SMC6: variants seen among roughly 807,000 people sequenced by gnomAD.
The protein encoded by SMC6 is structural maintenance of chromosomes protein 6.
Under a neutral mutation model 142.2 loss-of-function variants are expected in SMC6, and 79 were observed. The ratio of observed to expected loss-of-function variants is 0.56; its 90% CI spans 0.46 to 0.67. The LOEUF (loss-of-function observed/expected upper bound fraction) is 0.67. Ranked by LOEUF, SMC6 falls within the 30% of genes least tolerant of loss-of-function variation. SMC6 has a pLI of 0.00. For synonymous variants in SMC6, 411 were observed against 412.4 expected (o/e 1.00, Z 0.04); for missense variants, 1,072 against 1,284.0 (o/e 0.83, Z 2.52).
At chr2:17,740,630 G>A (rs904566731) in intron 4 of SMC6, 15 of 358,576 alleles carry the variant, frequency 4.2e-5, no homozygotes, top group Non-Finnish European at 6.5e-5. Context: ...CGAGGTGGGC[G>A]GATCACTTGA....
At chr2:17,674,301 C>G in intron 25 of SMC6, among the ~76,000 whole-genome samples, 1 of 151,720 alleles carries the variant, frequency 6.6e-6, no homozygotes, top group Non-Finnish European at 1.5e-5. Flanking sequence ...TATTTGATTT[C>G]TTTTTTGACC....
chr2:17,743,761 A>T lies in SMC6; in HGVS notation c.121-2032T>A, dbSNP rs1332142639. 3.9e-5 allele frequency among the ~76,000 whole-genome samples: 6 copies of T among 152,234 alleles called. No individual in the cohort carries two copies. The East Asian group carries it at 1.2e-3, about 29-fold the overall frequency. On this transcript the variant is annotated intron_variant, in intron 3 of 27. Transcript: ENST00000448223. Reference sequence around the variant, plus strand: ...AACCTATTCATCCCTCCCTTTCCTCAACCCCTAGCAACCAACCACTGATTT... The same window carrying T: ...AACCTATTCATCCCTCCCTTTCCTCTACCCCTAGCAACCAACCACTGATTT...
At chr2:17,737,874 A>G (rs1670232063) in intron 5 of SMC6, among the ~76,000 whole-genome samples, 1 of 152,180 alleles carries the variant, frequency 6.6e-6, no homozygotes, top group Non-Finnish European at 1.5e-5. Flanking sequence ...ATGTGGACTC[A>G]CTGATGCTGG....
intron 25 of SMC6, among the ~76,000 whole-genome samples, chr2:17,678,604 CG>C (rs1251292390): frequency 9.0e-6 from 1 of 110,634 alleles, no homozygotes; most frequent in East Asian, 2.3e-4. Context: ...CTTGTCTATA[CG>C]GAAAAAAAAA....
Position 17,717,182 on chromosome 2 carries a change from CA to C in SMC6, c.1093-7del. The stretch of plus-strand genomic sequence containing the variant: ...AAGGATCGGTTATATAAAACCTAAC[CA>C]AAAAAATTAGACACACTTTACAAAA... On this transcript the variant is annotated splice_region_variant and splice_polypyrimidine_tract_variant and intron_variant, in intron 12 of 27. Coordinates refer to ENST00000448223, the MANE Select transcript of SMC6 (RefSeq NM_001142286.2). 1.9e-6 allele frequency: 3 copies of C among 1,583,838 alleles called. No individual in the cohort carries two copies. The highest frequency in any genetic ancestry group is 1.9e-5 in the Admixed American group (1 of 54,050).
At position 17,701,860 on chromosome 2, in the gene SMC6, T is replaced by C; in HGVS notation, c.2192A>G (p.Glu731Gly). ...ISEIRELENI[E>G]EHQSVDIATL... is the part of the protein sequence containing the mutation. Reference sequence around the variant, plus strand: ...TGCAATATCTACAGACTGGTGTTCTTCTATGTTCTCAAGTTCCCGAATTTC... The same window carrying C: ...TGCAATATCTACAGACTGGTGTTCTCCTATGTTCTCAAGTTCCCGAATTTC... The change falls in exon 20 of 28, where the codon GAA (glutamate) becomes GGA (glycine). Residue 731 changes from glutamate to glycine, a missense_variant. Glu to Gly is a moderately conservative substitution (Grantham distance 98). Coordinates refer to ENST00000448223, the MANE Select transcript of SMC6 (RefSeq NM_001142286.2). The C allele has an allele frequency of 6.3e-7, 1 of 1,583,668 alleles. No homozygotes were observed. Among genetic ancestry groups the C allele is most frequent in the Non-Finnish European group, 8.6e-7 (1 of 1,163,008 alleles).
chr2:17,708,701 T>G lies in SMC6; in HGVS notation c.1783A>C (p.Asn595His). Residue 595 changes from asparagine to histidine, a missense_variant, in exon 17 of 28, where the codon AAT becomes CAT. Around this residue, in one of 3 missense-constraint regions of SMC6, gnomAD observed 994 missense variants for 1,153.2 expected, o/e 0.86. Coordinates refer to ENST00000448223, the MANE Select transcript of SMC6 (RefSeq NM_001142286.2). ...PTVLTALEID[N>H]AVVANSLIDM... ...ATTAGGCTATTTGCCACAACCGCAT[T>G]ATCTATTTCTAAAGCTGTCAGAACT... 6.4e-7 allele frequency: 1 copy of G among 1,564,220 alleles called. No individual in the cohort carries two copies. The highest frequency in any genetic ancestry group is 1.2e-5 in the South Asian group (1 of 83,050).
Position 17,708,305 on chromosome 2 carries a change from A to C in SMC6, c.1845+334T>G, listed in dbSNP as rs143793186. 4.7e-3 allele frequency among the ~76,000 whole-genome samples: 715 copies of C among 152,220 alleles called. 8 individuals are homozygous for C. The highest frequency in any genetic ancestry group is 0.016 in the African/African-American group (671 of 41,576). ...GCAAAATATTTCATTTAAGTAGAAT[A>C]ATACAGATATCTGTAAGGGCAAATA... On this transcript the variant is annotated intron_variant, in intron 17 of 27. Coordinates refer to ENST00000448223, the MANE Select transcript of SMC6 (RefSeq NM_001142286.2).
chr2:17,720,626 C>T (rs968351592), intron 11 of SMC6, among the ~76,000 whole-genome samples: 1 of 152,132 alleles, frequency 6.6e-6, no homozygotes, highest in East Asian at 1.9e-4. Context: ...GTTTCAACTC[C>T]TTAATGAACC....
chr2:17,750,433 T>C (rs1444405361), intron 2 of SMC6, among the ~76,000 whole-genome samples: 3 of 152,236 alleles, frequency 2.0e-5, no homozygotes, highest in African/African-American at 4.8e-5. Context: ...GAGATAAATA[T>C]TGCCCTTATT....
At position 17,717,083 on chromosome 2, in the gene SMC6, C is replaced by G. The variant is rs562162514; in HGVS notation, c.1181+5G>C. On this transcript the variant is annotated splice_donor_5th_base_variant and intron_variant, in intron 13 of 27. Transcript: ENST00000448223. ...GCCATGAAAATTTCAAAGTAACTAC[C>G]CTACCTTTTTTTCAGCTCTTCAATT... 3.7e-6 allele frequency: 6 copies of G among 1,608,402 alleles called. No homozygotes were observed. In the African/African-American group the frequency reaches 6.7e-5, roughly 18 times the overall value.
chr2:17,725,472 A>C, intron 8 of SMC6, 114 bp from the exon 9 acceptor site: 1 of 627,416 alleles, frequency 1.6e-6, no homozygotes, highest in East Asian at 2.9e-5. Context: ...TGATGTAAAA[A>C]GACATTAAAA....
At chr2:17,717,997 T>C in intron 12 of SMC6, 80 bp downstream of exon 12, 1 of 1,389,086 alleles carries the variant, frequency 7.2e-7, no homozygotes, top group Non-Finnish European at 9.7e-7. Context: ...AAAAATAAAA[T>C]ATAATAAAAA....
At chr2:17,731,248 T>A in intron 6 of SMC6, 109 bp from the exon 7 acceptor site, 1 of 713,680 alleles carries the variant, frequency 1.4e-6, no homozygotes, top group Non-Finnish European at 2.4e-6. Flanking sequence ...CATTGCATCA[T>A]CAAGAAAGGT....
At position 17,731,597 on chromosome 2, in the gene SMC6, C is replaced by CGT. The variant is rs3217290; in HGVS notation, c.481+142_481+143dup. The CGT allele has an allele frequency of 6.2e-3, 4,287 of 693,724 alleles. 38 individuals carry two copies. The highest frequency in any genetic ancestry group is 0.046 in the African/African-American group (2,536 of 55,284). 43.0% of individuals were successfully genotyped at this position (693,724 alleles called of 1,614,324 possible). ...AAAACAACCATGTGTAACATATGCA[C>CGT]GTGTGTGTGTGTGTGTGTATATATA... On this transcript the variant is annotated intron_variant, in intron 6 of 27. Transcript: ENST00000448223.
At chr2:17,673,117 G>A (rs1666841086) in intron 25 of SMC6, among the ~76,000 whole-genome samples, 1 of 152,156 alleles carries the variant, frequency 6.6e-6, no homozygotes, top group Non-Finnish European at 1.5e-5. Flanking sequence ...CGGTGTGACA[G>A]TAACTTACTG....
chr2:17,749,987 C>G (rs1670946553), intron 2 of SMC6, among the ~76,000 whole-genome samples: 1 of 152,174 alleles, frequency 6.6e-6, no homozygotes, highest in African/African-American at 2.4e-5. Context: ...GACATTTATT[C>G]TATGGTAAAC....
intron 1 of SMC6, 134 bp downstream of exon 1, chr2:17,753,492 G>A (rs1472476518): frequency 6.6e-6 from 1 of 152,440 alleles, no homozygotes; most frequent in East Asian, 1.9e-4. Flanking sequence ...GGCCCGCAAG[G>A]ACGACCATGA....
chr2:17,666,956 T>C (rs1054532077), intron 26 of SMC6, among the ~76,000 whole-genome samples: 45 of 152,312 alleles, frequency 3.0e-4, no homozygotes, highest in African/African-American at 1.1e-3. Context: ...TACTCTAGCC[T>C]GAATGACAGA....
Sources: gnomAD v4.1 joint callset for allele counts (sites outside exome capture counted in the v4.1 genomes callset) on GRCh38, gnomAD v4.1.1 for gene constraint, gnomAD v4.1.1 regional missense constraint, MANE v1.5 for transcripts, NCBI Gene and HGNC (gene_info 2026-07-23, HGNC 2026-07-21) for gene names.